Variants in SORCS2 observed in about 807,000 individuals in gnomAD.
SORCS2 encodes the protein sortilin related VPS10 domain containing receptor 2.
A neutral mutation model predicts 141.6 loss-of-function variants in SORCS2; 100 were observed. That is an observed-to-expected ratio of 0.71 (90% confidence interval 0.60 to 0.83). SORCS2 has a LOEUF of 0.83. Among genes scored for constraint, SORCS2 ranks in the 40% least tolerant of loss-of-function variants. The pLI, the probability that SORCS2 is intolerant of heterozygous loss-of-function variation, is 0.00. For missense variants in SORCS2, 1,646 were observed against 1,560.2 expected, an observed-to-expected ratio of 1.05 and a Z score of -0.93; for synonymous variants, 789 against 676.9, an observed-to-expected ratio of 1.17 and a Z score of -2.57.
chr4:7,496,393 C>T (rs1056416412), intron 2 of SORCS2, among the ~76,000 whole-genome samples: 2 of 151,496 alleles, frequency 1.3e-5, no homozygotes, highest in Non-Finnish European at 2.9e-5. Context: ...CCACCCAGCC[C>T]CCAGGAATTA....
At chr4:7,657,175 G>C (rs1233211126) in intron 5 of SORCS2, among the ~76,000 whole-genome samples, 1 of 152,264 alleles carries the variant, frequency 6.6e-6, no homozygotes, top group Non-Finnish European at 1.5e-5. Context: ...AGTACACTGA[G>C]AAATGGCTGT....
chr4:7,270,871 C>T (rs538229740), intron 1 of SORCS2, among the ~76,000 whole-genome samples: 12 of 152,366 alleles, frequency 7.9e-5, no homozygotes, highest in African/African-American at 2.4e-4. Flanking sequence ...AAACCCAGCC[C>T]CACCGAAATG....
intron 1 of SORCS2, among the ~76,000 whole-genome samples, chr4:7,341,351 GA>G (rs1359634069): frequency 6.6e-6 from 1 of 152,204 alleles, no homozygotes; most frequent in Admixed American, 6.5e-5. Flanking sequence ...TCCTCCTCCA[GA>G]AAGCCTTCCT....
chr4:7,693,050 C>G (rs1560487702), intron 11 of SORCS2, among the ~76,000 whole-genome samples: 1 of 152,168 alleles, frequency 6.6e-6, no homozygotes, highest in Non-Finnish European at 1.5e-5. Flanking sequence ...AGAAATCAAC[C>G]CAGCCCTGGC....
chr4:7,366,941 A>G (rs574014156), intron 1 of SORCS2, among the ~76,000 whole-genome samples: 1 of 152,340 alleles, frequency 6.6e-6, no homozygotes, highest in East Asian at 1.9e-4. Context: ...TACGCCTGAG[A>G]GGCCAGGTCG....
At chr4:7,650,357 C>T (rs73794356) in intron 4 of SORCS2, among the ~76,000 whole-genome samples, 5,216 of 152,278 alleles carry the variant, frequency 0.034, 290 homozygotes, top group African/African-American at 0.12. Context: ...GCGGTGATCG[C>T]GACAGAACGT....
At chr4:7,383,562 G>A (rs1046633789) in intron 1 of SORCS2, among the ~76,000 whole-genome samples, 1 of 152,174 alleles carries the variant, frequency 6.6e-6, no homozygotes, top group Non-Finnish European at 1.5e-5. Context: ...TTAAAAACAG[G>A]ATCAGCAATT....
chr4:7,553,240 T>A (rs150378462), intron 3 of SORCS2, among the ~76,000 whole-genome samples: 8 of 152,068 alleles, frequency 5.3e-5, no homozygotes, highest in African/African-American at 1.9e-4. Context: ...AGGGGAGAGT[T>A]CCTGAAGGGG....
intron 1 of SORCS2, among the ~76,000 whole-genome samples, chr4:7,386,567 C>A (rs985254589): frequency 3.0e-5 from 4 of 134,078 alleles, no homozygotes; most frequent in African/African-American, 8.5e-5. Flanking sequence ...CACGCACATG[C>A]ACACACATGC....
chr4:7,228,420 C>T (rs1478602350), intron 1 of SORCS2, among the ~76,000 whole-genome samples: 1 of 152,158 alleles, frequency 6.6e-6, no homozygotes, highest in African/African-American at 2.4e-5. Context: ...GTGGGGAGGC[C>T]TAGAAGCAGA....
chr4:7,386,597 C>T (rs1723351570), intron 1 of SORCS2, among the ~76,000 whole-genome samples: 1 of 148,300 alleles, frequency 6.7e-6, no homozygotes, highest in Non-Finnish European at 1.5e-5. Context: ...CACATTTGCA[C>T]ACACGCACAC....
chr4:7,652,970 G>A (rs1375500126), intron 4 of SORCS2, among the ~76,000 whole-genome samples: 4 of 151,882 alleles, frequency 2.6e-5, no homozygotes, highest in African/African-American at 9.7e-5. Flanking sequence ...TTAACATTGT[G>A]CTCCCTGGCC....
At chr4:7,387,815 TAC>T (rs1199034637) in intron 1 of SORCS2, among the ~76,000 whole-genome samples, 2 of 47,166 alleles carry the variant, frequency 4.2e-5, no homozygotes, top group Non-Finnish European at 7.5e-5. Context: ...CACACACAGA[TAC>T]AGAGATACAC....
intron 1 of SORCS2, among the ~76,000 whole-genome samples, chr4:7,248,733 C>T (rs1256049240): frequency 6.6e-6 from 1 of 152,126 alleles, no homozygotes; most frequent in Non-Finnish European, 1.5e-5. Flanking sequence ...ATTTGAAGCC[C>T]AATGCTTTAA....
chr4:7,481,949 A>G (rs56062331), intron 2 of SORCS2, among the ~76,000 whole-genome samples: 4,269 of 83,552 alleles, frequency 0.051, 339 homozygotes, highest in East Asian at 0.1. Flanking sequence ...CTGTATCCCC[A>G]CTGCGGACAC....
intron 3 of SORCS2, among the ~76,000 whole-genome samples, chr4:7,563,259 T>C (rs916776668): frequency 3.9e-5 from 6 of 152,064 alleles, no homozygotes; most frequent in Non-Finnish European, 8.8e-5. Flanking sequence ...AATGACTGCA[T>C]GCCACCACCG....
chr4:7,540,813 A>G (rs1225400095), intron 3 of SORCS2, among the ~76,000 whole-genome samples: 1 of 152,202 alleles, frequency 6.6e-6, no homozygotes, highest in Non-Finnish European at 1.5e-5. Flanking sequence ...AGTGGGGATG[A>G]ACATTACCCA....
intron 1 of SORCS2, among the ~76,000 whole-genome samples, chr4:7,294,024 C>T (rs769286672): frequency 3.3e-5 from 5 of 152,186 alleles, no homozygotes; most frequent in Non-Finnish European, 7.3e-5. Context: ...TCCTGAGACT[C>T]CCCCTGGCTC....
chr4:7,496,690 T>C (rs1425178193), intron 2 of SORCS2, among the ~76,000 whole-genome samples: 1 of 152,182 alleles, frequency 6.6e-6, no homozygotes, highest in African/African-American at 2.4e-5. Context: ...TCATTATTCA[T>C]GGGCCACATC....
Sources: allele counts gnomAD v4.1 joint callset (sites outside exome capture counted in the v4.1 genomes callset), GRCh38; gene constraint gnomAD v4.1.1; transcripts MANE v1.5; gene names NCBI Gene and HGNC (gene_info 2026-07-23, HGNC 2026-07-21).